KCNMB2: variants seen among roughly 807,000 people sequenced by gnomAD.
The protein encoded by KCNMB2 is potassium calcium-activated channel subfamily M regulatory beta subunit 2.
In KCNMB2, 9 loss-of-function variants were observed where a neutral mutation model predicts 24.5. That is an observed-to-expected ratio of 0.37 (90% CI 0.22 to 0.64). The LOEUF (loss-of-function observed/expected upper bound fraction) is 0.64. KCNMB2 is among the 30% of genes least tolerant of loss of function. The pLI is 0.63. For synonymous variants in KCNMB2, 109 were observed against 104.4 expected (o/e 1.04, Z -0.27); for missense variants, 226 against 284.3 (o/e 0.79, Z 1.47).
At chr3:178,593,398 T>C (rs187871551) in intron 1 of KCNMB2, among the ~76,000 whole-genome samples, 1 of 152,184 alleles carries the variant, frequency 6.6e-6, no homozygotes, top group Non-Finnish European at 1.5e-5. Context: ...AAATCCACAA[T>C]TAAACATGCC....
rs182282506 is a variant in KCNMB2, at chr3:178,786,260, A to G, written c.-67-21083A>G. 4.6e-3 allele frequency among the ~76,000 whole-genome samples: 706 copies of G among 152,256 alleles called. 4 individuals carry two copies. The highest frequency in any genetic ancestry group is 7.1e-3 in the Non-Finnish European group (482 of 67,992). Reference sequence around the variant, plus strand: ...AATTATAGTTCACCCAATAACCACCACAATTGGATAGAATAGGTCCAGTGA... The same window carrying G: ...AATTATAGTTCACCCAATAACCACCGCAATTGGATAGAATAGGTCCAGTGA... On this transcript the variant is annotated intron_variant, in intron 1 of 4. Transcript: ENST00000452583.
chr3:178,680,965 A>G (rs1721251658), intron 1 of KCNMB2, among the ~76,000 whole-genome samples: 1 of 152,222 alleles, frequency 6.6e-6, no homozygotes, highest in African/African-American at 2.4e-5. Flanking sequence ...GGGGCCAATC[A>G]GTAGAAGCTC....
At chr3:178,772,292 A>G (rs990741142) in intron 1 of KCNMB2, among the ~76,000 whole-genome samples, 6 of 152,142 alleles carry the variant, frequency 3.9e-5, no homozygotes, top group Non-Finnish European at 7.3e-5. Context: ...ATTTTGTTTA[A>G]CTTAGTAGTT....
intron 1 of KCNMB2, among the ~76,000 whole-genome samples, chr3:178,778,070 TA>T (rs1292146252): frequency 6.6e-6 from 1 of 152,164 alleles, no homozygotes; most frequent in Non-Finnish European, 1.5e-5. Context: ...ACACAATGAC[TA>T]TTTTTTTACC....
intron 1 of KCNMB2, among the ~76,000 whole-genome samples, chr3:178,733,768 C>T (rs796554734): frequency 7.9e-5 from 12 of 152,174 alleles, no homozygotes; most frequent in African/African-American, 2.4e-4. Flanking sequence ...CATGAGCCAC[C>T]GCACCCAGCC....
chr3:178,800,783 C>T (rs1409743547), intron 1 of KCNMB2, among the ~76,000 whole-genome samples: 1 of 152,078 alleles, frequency 6.6e-6, no homozygotes, highest in African/African-American at 2.4e-5. Context: ...CTTAAGTGTC[C>T]ATCAACAGAT....
chr3:178,625,550 AG>A (rs1719087447), intron 1 of KCNMB2, among the ~76,000 whole-genome samples: 1 of 152,232 alleles, frequency 6.6e-6, no homozygotes, highest in Non-Finnish European at 1.5e-5. Flanking sequence ...TCTAACTCAT[AG>A]CAAAGTCTAT....
intron 2 of KCNMB2, among the ~76,000 whole-genome samples, chr3:178,822,884 G>T (rs1714687419): frequency 6.6e-6 from 1 of 152,204 alleles, no homozygotes; most frequent in African/African-American, 2.4e-5. Flanking sequence ...GATGCTGTGT[G>T]ACAGTCTAAT....
chr3:178,629,470 T>C (rs1207047895), intron 1 of KCNMB2, among the ~76,000 whole-genome samples: 1 of 152,118 alleles, frequency 6.6e-6, no homozygotes, highest in Non-Finnish European at 1.5e-5. Flanking sequence ...AGTAGGATGT[T>C]ACTTGGTTGG....
intron 1 of KCNMB2, among the ~76,000 whole-genome samples, chr3:178,787,514 A>T (rs1237679107): frequency 6.6e-6 from 1 of 152,220 alleles, no homozygotes; most frequent in Non-Finnish European, 1.5e-5. Flanking sequence ...AAGAAAAGAC[A>T]AATGTAAAAA....
At chr3:178,646,867 A>C (rs1462982770) in intron 1 of KCNMB2, among the ~76,000 whole-genome samples, 1 of 152,242 alleles carries the variant, frequency 6.6e-6, no homozygotes, top group East Asian at 1.9e-4. Flanking sequence ...TTATTAAAAA[A>C]GCATTTTCAA....
chr3:178,798,839 T>A (rs1436099509), intron 1 of KCNMB2, among the ~76,000 whole-genome samples: 1 of 151,864 alleles, frequency 6.6e-6, no homozygotes, highest in Non-Finnish European at 1.5e-5. Flanking sequence ...TGTTTACTTA[T>A]GTAACAAACC....
chr3:178,598,481 T>C (rs1328757529), intron 1 of KCNMB2, among the ~76,000 whole-genome samples: 2 of 152,124 alleles, frequency 1.3e-5, no homozygotes, highest in Non-Finnish European at 1.5e-5. Context: ...TCCCAGTAAT[T>C]CACATCAATA....
intron 1 of KCNMB2, among the ~76,000 whole-genome samples, chr3:178,721,490 A>C (rs1371232827): frequency 2.0e-5 from 3 of 152,194 alleles, no homozygotes; most frequent in African/African-American, 7.2e-5. Context: ...AGGATATTTC[A>C]ATAGTTGCAG....
intron 1 of KCNMB2, among the ~76,000 whole-genome samples, chr3:178,762,033 T>A (rs567199183): frequency 2.3e-4 from 35 of 151,920 alleles, no homozygotes; most frequent in Non-Finnish European, 4.3e-4. Context: ...TAACCAGGCG[T>A]CGTAGCGGGC....
chr3:178,771,405 T>C (rs1180561918), intron 1 of KCNMB2, among the ~76,000 whole-genome samples: 1 of 151,586 alleles, frequency 6.6e-6, no homozygotes, highest in Non-Finnish European at 1.5e-5. Context: ...AAAAGACAAG[T>C]CCTGGACATT....
In KCNMB2 at chr3:178,828,249, G is replaced by A. The variant is rs1280916864; in HGVS notation, c.299G>A (p.Ser100Asn). ...ACGGAAACATTTAATTGCTCCTTCA[G>A]CTGTGGTCCAGACTGCTGGAAACTT... is the stretch of plus-strand genomic sequence containing the variant. The part of the protein sequence containing the change: ...SITETFNCSF[S>N]CGPDCWKLSQ... Residue 100 changes from serine to asparagine, a missense_variant, in exon 4 of 5, where the codon AGC (serine) becomes AAC (asparagine). Ser to Asn is a conservative substitution (Grantham distance 46, BLOSUM62 1). Coordinates refer to ENST00000452583, the MANE Select transcript of KCNMB2 (RefSeq NM_181361.3). The A allele has an allele frequency of 6.2e-7, 1 of 1,613,992 alleles. No individual in the cohort carries two copies. Among genetic ancestry groups the A allele is most frequent in the Middle Eastern group, 1.6e-4 (1 of 6,062 alleles).
intron 1 of KCNMB2, among the ~76,000 whole-genome samples, chr3:178,684,477 A>G (rs6802875): frequency 0.38 from 58,312 of 151,778 alleles, 11,242 homozygotes; most frequent in Middle Eastern, 0.51. Flanking sequence ...AAATAAGTAG[A>G]TTTTAGCTGC....
At chr3:178,563,066 C>T (rs1300325879) in intron 1 of KCNMB2, among the ~76,000 whole-genome samples, 2 of 152,218 alleles carry the variant, frequency 1.3e-5, no homozygotes, top group African/African-American at 4.8e-5. Flanking sequence ...TACGAAATAA[C>T]TCACAACTGT....
Sources: gnomAD v4.1 joint callset for allele counts (sites outside exome capture counted in the v4.1 genomes callset) on GRCh38, gnomAD v4.1.1 for gene constraint, MANE v1.5 for transcripts, NCBI Gene and HGNC (gene_info 2026-07-23, HGNC 2026-07-21) for gene names.